The following GMDS variants were observed in gnomAD, a reference collection of about 807,000 sequenced individuals.
GMDS encodes GDP-mannose 4,6-dehydratase.
A neutral mutation model predicts 49.9 loss-of-function variants in GMDS; 20 were observed. That is an observed-to-expected ratio of 0.40 (90% CI 0.28 to 0.58). The LOEUF is 0.58. GMDS is among the 20% of genes least tolerant of loss of function. The pLI is 0.42. For missense variants in GMDS, 362 were observed against 481.4 expected (o/e 0.75, Z 2.32); for synonymous variants, 177 against 178.6 (o/e 0.99, Z 0.07).
intron 7 of GMDS, among the ~76,000 whole-genome samples, chr6:1,805,345 T>G (rs1208008997): frequency 6.6e-6 from 1 of 152,220 alleles, no homozygotes; most frequent in Non-Finnish European, 1.5e-5. Flanking sequence ...TATTTTGATG[T>G]ATTGACAGTC....
At chr6:1,643,021 C>T (rs372692594) in intron 9 of GMDS, among the ~76,000 whole-genome samples, 2 of 152,140 alleles carry the variant, frequency 1.3e-5, no homozygotes, top group African/African-American at 2.4e-5. Flanking sequence ...GATCTGCTGA[C>T]GAGGGGGGCA....
chr6:2,199,686 A>G (rs970719406), intron 1 of GMDS, among the ~76,000 whole-genome samples: 5 of 152,204 alleles, frequency 3.3e-5, no homozygotes, highest in Admixed American at 6.5e-5. Context: ...GCTCATTTCA[A>G]TCTCTATTCC....
At chr6:1,872,743 C>A (rs933778242) in intron 7 of GMDS, among the ~76,000 whole-genome samples, 2 of 152,268 alleles carry the variant, frequency 1.3e-5, no homozygotes, top group African/African-American at 2.4e-5. Context: ...GCTGTCCCAG[C>A]ACTTCAAAGC....
At chr6:1,641,079 G>C (rs1763316959) in intron 9 of GMDS, among the ~76,000 whole-genome samples, 1 of 152,218 alleles carries the variant, frequency 6.6e-6, no homozygotes, top group African/African-American at 2.4e-5. Flanking sequence ...TCCTCTGGGT[G>C]CTCATTAGAC....
intron 9 of GMDS, among the ~76,000 whole-genome samples, chr6:1,645,944 T>C (rs1763469655): frequency 6.6e-6 from 1 of 152,246 alleles, no homozygotes; most frequent in African/African-American, 2.4e-5. Context: ...ACATCAGTGC[T>C]GAGTGCACTA....
At chr6:2,034,266 T>C (rs1366142861) in intron 4 of GMDS, among the ~76,000 whole-genome samples, 1 of 152,204 alleles carries the variant, frequency 6.6e-6, no homozygotes, top group Admixed American at 6.5e-5. Flanking sequence ...GTTTTTCTTT[T>C]ACAAACATTT....
At chr6:2,051,566 T>C (rs1197007479) in intron 4 of GMDS, among the ~76,000 whole-genome samples, 2 of 152,048 alleles carry the variant, frequency 1.3e-5, no homozygotes, top group African/African-American at 4.8e-5. Context: ...TTTTGTGGGG[T>C]TTTTTGGTAT....
chr6:1,820,327 C>T (rs1277190151), intron 7 of GMDS, among the ~76,000 whole-genome samples: 2 of 152,038 alleles, frequency 1.3e-5, no homozygotes, highest in East Asian at 3.8e-4. Flanking sequence ...CAATCAAAGT[C>T]CAATGAGAAT....
At chr6:1,673,368 CTT>C (rs59839970) in intron 9 of GMDS, among the ~76,000 whole-genome samples, 1 of 143,424 alleles carries the variant, frequency 7.0e-6, no homozygotes, top group African/African-American at 2.5e-5. Context: ...TACCAAAGGG[CTT>C]TTTTTTTTTT....
At chr6:2,075,525 C>T (rs1043800966) in intron 4 of GMDS, among the ~76,000 whole-genome samples, 3 of 152,090 alleles carry the variant, frequency 2.0e-5, no homozygotes, top group African/African-American at 4.8e-5. Flanking sequence ...TTTGTCCTTG[C>T]GAAAGTTTGC....
chr6:1,738,150 CACAT>C (rs1313459723), intron 8 of GMDS, among the ~76,000 whole-genome samples: 4 of 20,264 alleles, frequency 2.0e-4, no homozygotes, highest in Non-Finnish European at 6.4e-4. Context: ...CACACAGATA[CACAT>C]ACACACACAC....
At chr6:1,748,361 G>C (rs1323159716) in intron 7 of GMDS, among the ~76,000 whole-genome samples, 5 of 151,228 alleles carry the variant, frequency 3.3e-5, no homozygotes, top group Non-Finnish European at 5.9e-5. Context: ...TATCTCTTTT[G>C]TTTTATCTTT....
intron 7 of GMDS, among the ~76,000 whole-genome samples, chr6:1,796,315 T>C (rs896444817): frequency 6.6e-6 from 1 of 152,226 alleles, no homozygotes; most frequent in Non-Finnish European, 1.5e-5. Flanking sequence ...CTTGTCATTT[T>C]TCAGTATGAT....
At chr6:1,696,783 G>C (rs1765357607) in intron 9 of GMDS, among the ~76,000 whole-genome samples, 1 of 152,192 alleles carries the variant, frequency 6.6e-6, no homozygotes, top group African/African-American at 2.4e-5. Context: ...CTCTGGAGAG[G>C]CTTCATCTCC....
chr6:2,120,867 A>T (rs1460683426), intron 2 of GMDS, among the ~76,000 whole-genome samples: 1 of 152,242 alleles, frequency 6.6e-6, no homozygotes, highest in Non-Finnish European at 1.5e-5. Context: ...AATGAATCCA[A>T]CTAAAGAGCC....
chr6:2,081,952 T>C (rs543586653), intron 4 of GMDS, among the ~76,000 whole-genome samples: 1 of 152,260 alleles, frequency 6.6e-6, no homozygotes, highest in African/African-American at 2.4e-5. Flanking sequence ...AAGCAGAATG[T>C]GGTGTAACAA....
At chr6:2,168,257 A>G (rs767157512) in intron 1 of GMDS, among the ~76,000 whole-genome samples, 4 of 152,206 alleles carry the variant, frequency 2.6e-5, no homozygotes, top group Non-Finnish European at 4.4e-5. Flanking sequence ...AGGGTCTGCA[A>G]ACTGCAGGGA....
chr6:1,764,024 T>A (rs1304440484), intron 7 of GMDS, among the ~76,000 whole-genome samples: 1 of 152,066 alleles, frequency 6.6e-6, no homozygotes, highest in Non-Finnish European at 1.5e-5. Context: ...ATTGTAGGCC[T>A]GCCTGCTGCT....
At chr6:1,944,932 A>T (rs565366001) in intron 6 of GMDS, among the ~76,000 whole-genome samples, 9 of 152,280 alleles carry the variant, frequency 5.9e-5, no homozygotes, top group African/African-American at 2.2e-4. Flanking sequence ...AAATATAGGC[A>T]ATACCCTGAA....
Sources: gnomAD v4.1 joint callset for allele counts (sites outside exome capture counted in the v4.1 genomes callset) on GRCh38, gnomAD v4.1.1 for gene constraint, MANE v1.5 for transcripts, NCBI Gene and HGNC (gene_info 2026-07-23, HGNC 2026-07-21) for gene names.